JAK2: variants seen among roughly 807,000 people sequenced by gnomAD.
JAK2 encodes tyrosine-protein kinase JAK2.
JAK2 carries 86 observed loss-of-function variants against 139.3 expected under a neutral mutation model. That is an observed-to-expected ratio of 0.62 (90% CI 0.52 to 0.74). The LOEUF (loss-of-function observed/expected upper bound fraction) is 0.74. Among genes scored for constraint, JAK2 ranks in the 30% least tolerant of loss-of-function variants. JAK2 has a pLI of 0.00. For missense variants in JAK2, 1,421 were observed against 1,360.3 expected (o/e 1.04, Z -0.70); for synonymous variants, 490 against 437.7 (o/e 1.12, Z -1.49).
intron 16 of JAK2, among the ~76,000 whole-genome samples, chr9:5,079,802 C>T (rs1819554617): frequency 6.6e-6 from 1 of 151,702 alleles, no homozygotes; most frequent in Non-Finnish European, 1.5e-5. Context: ...CTGAGTGACA[C>T]AGTGACACCC....
At chr9:5,026,328 G>C (rs1305158320) in intron 3 of JAK2, among the ~76,000 whole-genome samples, 2 of 152,096 alleles carry the variant, frequency 1.3e-5, no homozygotes, top group Non-Finnish European at 2.9e-5. Context: ...TTATTTGGAA[G>C]TTATTTGTAA....
At chr9:5,096,217 T>C (rs746328465) in intron 22 of JAK2, among the ~76,000 whole-genome samples, 2 of 152,184 alleles carry the variant, frequency 1.3e-5, no homozygotes, top group African/African-American at 2.4e-5. Context: ...ACTTATTTCT[T>C]CTACCTTCCT....
At chr9:5,057,883 T>A (rs1419180200) in intron 8 of JAK2, among the ~76,000 whole-genome samples, 2 of 152,018 alleles carry the variant, frequency 1.3e-5, no homozygotes, top group African/African-American at 2.4e-5. Flanking sequence ...GCCCAGCCCC[T>A]CTACTTTCTT....
At chr9:4,994,494 T>A (rs1175041267) in intron 2 of JAK2, among the ~76,000 whole-genome samples, 3 of 152,160 alleles carry the variant, frequency 2.0e-5, no homozygotes, top group Non-Finnish European at 4.4e-5. Flanking sequence ...GGGCCTAGAT[T>A]GTGAGAATTA....
chr9:5,103,917 AGT>A (rs1279807618), intron 22 of JAK2, among the ~76,000 whole-genome samples: 2 of 152,244 alleles, frequency 1.3e-5, no homozygotes, highest in Non-Finnish European at 2.9e-5. Context: ...TATTTAAGGC[AGT>A]GTGTAGAGGG....
chr9:5,005,685 G>A (rs1224658759), intron 2 of JAK2, among the ~76,000 whole-genome samples: 2 of 152,248 alleles, frequency 1.3e-5, no homozygotes, highest in African/African-American at 2.4e-5. Flanking sequence ...AAGAATGTGG[G>A]TAAGTGTTTT....
intron 23 of JAK2, among the ~76,000 whole-genome samples, chr9:5,125,646 T>C (rs1038830200): frequency 2.0e-5 from 3 of 149,148 alleles, no homozygotes; most frequent in African/African-American, 7.5e-5. Flanking sequence ...ATTTCATCAT[T>C]TGCCACTATT....
intron 22 of JAK2, among the ~76,000 whole-genome samples, chr9:5,121,754 C>T (rs560508003): frequency 6.6e-6 from 1 of 152,206 alleles, no homozygotes; most frequent in South Asian, 2.1e-4. Flanking sequence ...TTATTTTCAA[C>T]AAGGGGAATT....
intron 22 of JAK2, 36 bp from the exon 23 acceptor site, chr9:5,122,968 G>C: frequency 7.4e-7 from 1 of 1,344,162 alleles, no homozygotes; most frequent in Non-Finnish European, 1.0e-6. Context: ...CACATATCAA[G>C]TAACTGTCTT....
chr9:5,059,330 TA>T (rs1817994672), intron 8 of JAK2, among the ~76,000 whole-genome samples: 1 of 152,226 alleles, frequency 6.6e-6, no homozygotes, highest in South Asian at 2.1e-4. Context: ...TGTATTCTTT[TA>T]AAATCTAGAT....
chr9:5,112,051 A>G, intron 22 of JAK2: 1 of 408,580 alleles, frequency 2.4e-6, no homozygotes. Context: ...CCCAGCTACG[A>G]CGGGGGTCTC....
At chr9:5,097,202 A>G (rs2130722341) in intron 22 of JAK2, 1 of 151,798 alleles carries the variant, frequency 6.6e-6, no homozygotes, top group South Asian at 2.1e-4. Flanking sequence ...AATATCAAAC[A>G]CCCCTTTTCG....
At chr9:5,061,325 C>T (rs1818156587) in intron 8 of JAK2, among the ~76,000 whole-genome samples, 2 of 152,200 alleles carry the variant, frequency 1.3e-5, no homozygotes, top group Admixed American at 6.5e-5. Flanking sequence ...TCCTAGATGG[C>T]ATATTCTTCC....
intron 6 of JAK2, among the ~76,000 whole-genome samples, chr9:5,052,770 T>A (rs1229219320): frequency 6.6e-6 from 1 of 152,098 alleles, no homozygotes; most frequent in Non-Finnish European, 1.5e-5. Context: ...TTGTCTGGCT[T>A]CTTTCACTTA....
At chr9:5,087,116 G>A (rs1391786746) in intron 19 of JAK2, among the ~76,000 whole-genome samples, 1 of 152,124 alleles carries the variant, frequency 6.6e-6, no homozygotes, top group Non-Finnish European at 1.5e-5. Flanking sequence ...ACTCTTACTG[G>A]TTGTATTAGT....
chr9:5,115,703 C>T (rs879742247), intron 22 of JAK2, among the ~76,000 whole-genome samples: 1 of 152,198 alleles, frequency 6.6e-6, no homozygotes, highest in African/African-American at 2.4e-5. Flanking sequence ...AAATGTGACA[C>T]ATATACACCA....
chr9:5,070,000 C>T lies in JAK2; in HGVS notation c.1589C>T (p.Thr530Ile), dbSNP rs774083801. 1 of 1,608,040 alleles carries T rather than the reference C, an allele frequency of 6.2e-7. No individual in the cohort carries two copies. Among genetic ancestry groups the T allele is most frequent in the Non-Finnish European group, 8.5e-7 (1 of 1,175,826 alleles). ...VPTSPTLQRP[T>I]HMNQMVFHKI... Reference sequence around the variant, plus strand: ...ACCTCACCAACATTACAGAGGCCTACTCATATGAACCAAATGGTGTTTCAC... The same window carrying T: ...ACCTCACCAACATTACAGAGGCCTATTCATATGAACCAAATGGTGTTTCAC... The change falls in exon 12 of 25, where the codon ACT becomes ATT. Residue 530 changes from threonine (T) to isoleucine (I), a missense_variant. By Grantham distance (89) the Thr-to-Ile change is moderately conservative. Coordinates refer to ENST00000381652, the MANE Select transcript of JAK2 (RefSeq NM_004972.4).
At chr9:5,016,980 T>C (rs897266812) in intron 2 of JAK2, among the ~76,000 whole-genome samples, 10 of 152,214 alleles carry the variant, frequency 6.6e-5, no homozygotes, top group Non-Finnish European at 8.8e-5. Flanking sequence ...ATGTAGTCAT[T>C]TTTGATCAAG....
chr9:5,017,779 A>G (rs1378010113), intron 2 of JAK2, among the ~76,000 whole-genome samples: 1 of 152,218 alleles, frequency 6.6e-6, no homozygotes, highest in East Asian at 1.9e-4. Context: ...GCAGTTTTAT[A>G]TCTGTTACAG....
Sources: allele counts gnomAD v4.1 joint callset (sites outside exome capture counted in the v4.1 genomes callset), GRCh38; gene constraint gnomAD v4.1.1; transcripts MANE v1.5; gene names NCBI Gene and HGNC (gene_info 2026-07-23, HGNC 2026-07-21).